Variants in RGS12 observed in about 807,000 individuals in gnomAD.
The protein encoded by RGS12 is regulator of G-protein signaling 12.
RGS12 carries 66 observed loss-of-function variants against 120.1 expected under a neutral mutation model. The ratio of observed to expected loss-of-function variants is 0.55; its 90% confidence interval spans 0.45 to 0.67. The LOEUF (loss-of-function observed/expected upper bound fraction) is 0.67. Among genes scored for constraint, RGS12 ranks in the 30% least tolerant of loss-of-function variants. The probability of loss-of-function intolerance (pLI) is 0.00; values close to 1 mark genes in which losing one functional copy is unlikely to be tolerated. For missense variants in RGS12, 1,859 were observed against 1,957.7 expected, an observed-to-expected ratio of 0.95 and a Z score of 0.95; for synonymous variants, 827 against 804.7, an observed-to-expected ratio of 1.03 and a Z score of -0.47.
At chr4:3,437,208 GGC>G (rs1371139739) in intron 17 of RGS12, among the ~76,000 whole-genome samples, 2 of 152,160 alleles carry the variant, frequency 1.3e-5, no homozygotes, top group African/African-American at 2.4e-5. Context: ...GGCTCCCGTA[GGC>G]AGGAAGGGCC....
intron 2 of RGS12, chr4:3,324,509 C>G (rs1457120371): frequency 5.3e-6 from 1 of 187,352 alleles, no homozygotes. Flanking sequence ...TGCCTGTGGC[C>G]TGAGGCCTGG....
intron 17 of RGS12, among the ~76,000 whole-genome samples, chr4:3,437,863 G>T (rs540259730): frequency 1.3e-5 from 2 of 152,306 alleles, no homozygotes; most frequent in South Asian, 4.1e-4. Flanking sequence ...CTCAAGAGGG[G>T]AGTCACACCT....
upstream of RGS12, among the ~76,000 whole-genome samples, chr4:3,289,176 CAT>C (rs1722961298): frequency 6.6e-6 from 1 of 152,194 alleles, no homozygotes; most frequent in African/African-American, 2.4e-5. Context: ...GTAAAACACA[CAT>C]GACGTACAAC....
intron 17 of RGS12, chr4:3,432,200 C>T (rs771295938): frequency 1.8e-5 from 18 of 975,068 alleles, no homozygotes; most frequent in Non-Finnish European, 2.1e-5. Flanking sequence ...TTTTCTTTCT[C>T]ATTTGAAACT....
chr4:3,312,149 G>A (rs1724442460), intron 1 of RGS12, among the ~76,000 whole-genome samples: 1 of 152,172 alleles, frequency 6.6e-6, no homozygotes, highest in Non-Finnish European at 1.5e-5. Flanking sequence ...AGCCCCGATG[G>A]TGTAATGGAA....
At chr4:3,352,979 T>C (rs1198436961) in intron 3 of RGS12, among the ~76,000 whole-genome samples, 1 of 152,214 alleles carries the variant, frequency 6.6e-6, no homozygotes, top group Admixed American at 6.5e-5. Flanking sequence ...TTGGAAGGGA[T>C]GTTTGACTCC....
At chr4:3,380,460 G>T (rs1441061946) in intron 3 of RGS12, among the ~76,000 whole-genome samples, 1 of 152,220 alleles carries the variant, frequency 6.6e-6, no homozygotes, top group South Asian at 2.1e-4. Flanking sequence ...GGGACTCTGT[G>T]TGGGGACTCT....
At chr4:3,439,223 C>T (rs190467418) in intron 17 of RGS12, among the ~76,000 whole-genome samples, 1 of 152,090 alleles carries the variant, frequency 6.6e-6, no homozygotes, top group African/African-American at 2.4e-5. Flanking sequence ...TCGGCTCCCC[C>T]ACTTGGTGGC....
At chr4:3,341,960 A>G (rs1035888114) in intron 2 of RGS12, among the ~76,000 whole-genome samples, 5 of 151,054 alleles carry the variant, frequency 3.3e-5, no homozygotes, top group African/African-American at 1.2e-4. Flanking sequence ...AGGGAGACCC[A>G]GGCGGGAATG....
intron 3 of RGS12, among the ~76,000 whole-genome samples, chr4:3,350,982 A>G (rs1714302901): frequency 6.6e-6 from 1 of 151,840 alleles, no homozygotes; most frequent in Non-Finnish European, 1.5e-5. Context: ...TATAAAATAT[A>G]GTTGGATCAA....
chr4:3,432,949 G>A (rs1724462852), intron 17 of RGS12, among the ~76,000 whole-genome samples: 1 of 152,218 alleles, frequency 6.6e-6, no homozygotes, highest in Non-Finnish European at 1.5e-5. Flanking sequence ...CTGTGATGTT[G>A]GCTCAAGCCT....
At chr4:3,427,995 C>T (rs138853781) in intron 14 of RGS12, 95 bp from the exon 15 acceptor site, 6 of 1,199,856 alleles carry the variant, frequency 5.0e-6, no homozygotes, top group African/African-American at 4.5e-5. Context: ...GGCTTCTCTA[C>T]AGCTTTGCTC....
rs559142568 is a variant in RGS12, at chr4:3,390,448, C to A, written c.2020+4011C>A. On this transcript the variant is annotated intron_variant, in intron 4 of 17. Coordinates refer to ENST00000336727, the MANE Select transcript of RGS12 (RefSeq NM_001394154.1). This position sits in a 1 kb window ranked among gnomAD's most constrained non-coding sequence, Gnocchi z 4.6. ...CCAGAGCGTCAGGGCGAGGCTTGGG[C>A]GGGGACAGTGGCTTTCAGTGATTTT... Among the ~76,000 whole-genome samples, 2 of 152,196 alleles carry A rather than the reference C, an allele frequency of 1.3e-5. No individual in the cohort carries two copies. The highest frequency in any genetic ancestry group is 4.1e-4 in the South Asian group (2 of 4,830).
chr4:3,355,794 CAA>C lies in RGS12; in HGVS notation c.1998+12762_1998+12763del, dbSNP rs372490658. Among the ~76,000 whole-genome samples the C allele has an allele frequency of 9.9e-3, 572 of 58,030 alleles. 1 individual carries two copies. Among genetic ancestry groups the C allele is most frequent in the African/African-American group, 0.033 (529 of 16,006 alleles). The allele number at this position is 58,030 out of a possible 152,430, so 38.1% of individuals were successfully genotyped here. On this transcript the variant is annotated intron_variant, in intron 3 of 17. Transcript: ENST00000336727. Reference sequence around the variant, plus strand: ...TGGGGGACAAAGTGAGACCTTGTCTCAAAAAAAAAAAAAAAAAAAAAAGGAAA... The same window carrying C: ...TGGGGGACAAAGTGAGACCTTGTCTCAAAAAAAAAAAAAAAAAAAAGGAAA...
chr4:3,414,672 C>G lies in RGS12; in HGVS notation c.2191-80C>G. On this transcript the variant is annotated intron_variant, in intron 5 of 17. Transcript: ENST00000336727. ...CAGCTCACTGAGCAGCCAGTGACCC[C>G]GTGGTTTCTGTAGAAGGGGAAGTAG... is the stretch of plus-strand genomic sequence containing the variant. 6 of 1,019,174 alleles carry G rather than the reference C, an allele frequency of 5.9e-6. 1 individual carries two copies. The highest frequency in any genetic ancestry group is 4.2e-4 in the Middle Eastern group (2 of 4,726). The allele number at this position is 1,019,174 out of a possible 1,614,324, so 63.1% of individuals were successfully genotyped here.
chr4:3,288,376 C>T (rs370984059), upstream of RGS12, among the ~76,000 whole-genome samples: 27 of 152,232 alleles, frequency 1.8e-4, no homozygotes, highest in African/African-American at 5.3e-4. This position sits in a 1 kb window ranked among gnomAD's most constrained non-coding sequence, Gnocchi z 5.2. Flanking sequence ...AGAGGCCTGC[C>T]GGACGCCTGG....
upstream of RGS12, among the ~76,000 whole-genome samples, chr4:3,290,415 G>A (rs1437490286): frequency 1.3e-5 from 2 of 151,688 alleles, no homozygotes; most frequent in South Asian, 2.1e-4. Context: ...TCTACTATCC[G>A]TCTCTATAAA....
chr4:3,380,958 TTTC>T (rs1258139421), intron 3 of RGS12, among the ~76,000 whole-genome samples: 1 of 152,234 alleles, frequency 6.6e-6, no homozygotes, highest in Non-Finnish European at 1.5e-5. Flanking sequence ...CAGAAAATTT[TTTC>T]TTCTTTTCTG....
chr4:3,320,985 G>A (rs953544682), intron 2 of RGS12, among the ~76,000 whole-genome samples: 33 of 152,182 alleles, frequency 2.2e-4, no homozygotes, highest in African/African-American at 7.7e-4. Flanking sequence ...CCCCTGGAGG[G>A]TGCCATGGTG....
Sources: allele counts gnomAD v4.1 joint callset (sites outside exome capture counted in the v4.1 genomes callset), GRCh38; gene constraint gnomAD v4.1.1; non-coding constraint Gnocchi (gnomAD v3.1); transcripts MANE v1.5; gene names NCBI Gene and HGNC (gene_info 2026-07-23, HGNC 2026-07-21).